The following ITPR2 variants were observed in gnomAD, a reference collection of about 807,000 sequenced individuals.
ITPR2 encodes inositol 1,4,5-trisphosphate receptor type 2.
In ITPR2, 207 loss-of-function variants were observed where a neutral mutation model predicts 317.1. That is an observed-to-expected ratio of 0.65 (90% confidence interval 0.58 to 0.73). The LOEUF is 0.73. ITPR2 is among the 30% of genes least tolerant of loss of function. The probability of loss-of-function intolerance (pLI) is 0.00; values close to 1 mark genes in which losing one functional copy is unlikely to be tolerated. For synonymous variants in ITPR2, 1,156 were observed against 1,149.1 expected (o/e 1.01, Z -0.12); for missense variants, 2,613 against 3,284.0 (o/e 0.80, Z 4.99).
chr12:26,823,254 A>G (rs1232470117), intron 1 of ITPR2, among the ~76,000 whole-genome samples: 1 of 152,198 alleles, frequency 6.6e-6, no homozygotes, highest in African/African-American at 2.4e-5. Context: ...TTGCACAAAT[A>G]TTTATTAAAC....
intron 8 of ITPR2, among the ~76,000 whole-genome samples, chr12:26,713,199 C>A (rs1312894358): frequency 6.6e-6 from 1 of 152,226 alleles, no homozygotes; most frequent in East Asian, 1.9e-4. Flanking sequence ...TGCTTATCTG[C>A]ATTCAGATAA....
chr12:26,526,853 A>G (rs1017280687), intron 37 of ITPR2, among the ~76,000 whole-genome samples: 7 of 152,162 alleles, frequency 4.6e-5, no homozygotes, highest in Admixed American at 4.6e-4. Flanking sequence ...GATAAGAAGA[A>G]ATCAAGAATG....
chr12:26,824,302 C>T lies in ITPR2; in HGVS notation c.92+8388G>A, dbSNP rs548813850. Among the ~76,000 whole-genome samples, 5 of 152,284 alleles carry T rather than the reference C, an allele frequency of 3.3e-5. No homozygotes were observed. The South Asian group carries it at 1.0e-3, about 32-fold the overall frequency. ...TGAATGAGTATTACTTTTGCACCAT[C>T]ATCAAGTTGAAAAATTGTAAATCAA... On this transcript the variant is annotated intron_variant, in intron 1 of 56. Coordinates refer to ENST00000381340, the MANE Select transcript of ITPR2 (RefSeq NM_002223.4).
At chr12:26,626,383 T>C (rs909203717) in intron 23 of ITPR2, among the ~76,000 whole-genome samples, 3 of 152,198 alleles carry the variant, frequency 2.0e-5, no homozygotes, top group East Asian at 1.9e-4. Flanking sequence ...TATCCCTTAC[T>C]GGTACAAAAA....
chr12:26,524,225 C>G (rs1347600881), intron 37 of ITPR2, among the ~76,000 whole-genome samples: 1 of 152,120 alleles, frequency 6.6e-6, no homozygotes, highest in Non-Finnish European at 1.5e-5. Flanking sequence ...AAGGAGTTTT[C>G]AAATTGGGAA....
intron 45 of ITPR2, among the ~76,000 whole-genome samples, chr12:26,449,771 G>A (rs1159613120): frequency 2.6e-5 from 4 of 152,024 alleles, no homozygotes; most frequent in Admixed American, 2.0e-4. Context: ...AGGACTAGAA[G>A]GTAATTGGGA....
rs200241530 is a variant in ITPR2, at chr12:26,657,850, G to T, written c.2049C>A (p.Ile683=). 2 of 1,614,144 alleles carry T rather than the reference G, an allele frequency of 1.2e-6. No individual in the cohort carries two copies. The highest frequency in any genetic ancestry group is 1.7e-6 in the Non-Finnish European group (2 of 1,180,020). Reference sequence around the variant, plus strand: ...CTTCATCATCAATGTCATCTGAAAGGATGGAGCTCTCCATGGGGTTGTCTG... The same window carrying T: ...CTTCATCATCAATGTCATCTGAAAGTATGGAGCTCTCCATGGGGTTGTCTG... The part of the protein sequence containing the change: ...MQADNPMESS[I]LSDDIDDEEV... Residue 683 remains isoleucine (I), a synonymous_variant, in exon 18 of 57, where the codon ATC becomes ATA. Coordinates refer to ENST00000381340, the MANE Select transcript of ITPR2 (RefSeq NM_002223.4).
At chr12:26,350,659 A>AC (rs955137960) in intron 55 of ITPR2, among the ~76,000 whole-genome samples, 4 of 151,512 alleles carry the variant, frequency 2.6e-5, no homozygotes, top group Admixed American at 1.3e-4. Flanking sequence ...GGTGGGTCTC[A>AC]CCCCCCAGAC....
chr12:26,547,094 A>C (rs1944407579), intron 37 of ITPR2, among the ~76,000 whole-genome samples: 21 of 152,160 alleles, frequency 1.4e-4, no homozygotes, highest in Admixed American at 1.4e-3. Flanking sequence ...CAGAGGAAAC[A>C]CTCAACAGAG....
chr12:26,582,308 T>A (rs551168348), intron 32 of ITPR2, among the ~76,000 whole-genome samples: 1 of 152,324 alleles, frequency 6.6e-6, no homozygotes, highest in South Asian at 2.1e-4. Flanking sequence ...ATTTATTTTC[T>A]CTTTACAATA....
intron 37 of ITPR2, among the ~76,000 whole-genome samples, chr12:26,521,073 C>T (rs1386317036): frequency 2.0e-5 from 3 of 152,114 alleles, no homozygotes; most frequent in Non-Finnish European, 4.4e-5. Context: ...AAGTAGCTTC[C>T]TTTCTATGGT....
rs116317393 is a variant in ITPR2, at chr12:26,402,342, C to T, written c.7400-2084G>A. On this transcript the variant is annotated intron_variant, in intron 52 of 56. Transcript: ENST00000381340. Reference sequence around the variant, plus strand: ...CATCACTACCGTCTATCTAGCGTCACGATCTGCATTCATTTATTCATTCAG... The same window carrying T: ...CATCACTACCGTCTATCTAGCGTCATGATCTGCATTCATTTATTCATTCAG... 7.4e-4 allele frequency among the ~76,000 whole-genome samples: 113 copies of T among 152,304 alleles called. 1 individual carries two copies. The highest frequency in any genetic ancestry group is 2.6e-3 in the African/African-American group (107 of 41,552).
chr12:26,405,959 A>G (rs1402450058), intron 52 of ITPR2, among the ~76,000 whole-genome samples: 1 of 152,230 alleles, frequency 6.6e-6, no homozygotes, highest in African/African-American at 2.4e-5. Flanking sequence ...CTCCATCACA[A>G]AAAAGAAAAA....
intron 2 of ITPR2, among the ~76,000 whole-genome samples, chr12:26,763,492 A>G (rs577600856): frequency 1.8e-4 from 28 of 152,322 alleles, no homozygotes; most frequent in African/African-American, 5.5e-4. Flanking sequence ...ATAAAACTAA[A>G]GAAAATAAAG....
At chr12:26,690,433 C>A (rs754533308) in intron 10 of ITPR2, among the ~76,000 whole-genome samples, 5 of 152,194 alleles carry the variant, frequency 3.3e-5, no homozygotes, top group African/African-American at 4.8e-5. Flanking sequence ...GAGTCTCCTG[C>A]ACCCCAATAT....
intron 45 of ITPR2, 46 bp downstream of exon 45, chr12:26,475,250 G>A (rs755006469): frequency 4.4e-5 from 71 of 1,606,242 alleles, no homozygotes; most frequent in Non-Finnish European, 4.9e-5. Flanking sequence ...TACAAAACAC[G>A]ATTGATAGGA....
chr12:26,715,410 C>T lies in ITPR2; in HGVS notation c.744G>A (p.Glu248=), dbSNP rs996836657. 1 of 1,613,554 alleles carries T rather than the reference C, an allele frequency of 6.2e-7. No homozygotes were observed. The highest frequency in any genetic ancestry group is 8.5e-7 in the Non-Finnish European group (1 of 1,179,688). ...CATATTCATCACAAGTCAAAAACTTCTCTTGTTCCGCATGAAATAATCTAA... is the reference window on the plus strand; with the variant it reads ...CATATTCATCACAAGTCAAAAACTTTTCTTGTTCCGCATGAAATAATCTAA... ...DVVRLFHAEQ[E]KFLTCDEYEK... Residue 248 remains glutamate, a synonymous_variant, in exon 8 of 57, where the codon GAG becomes GAA. Transcript: ENST00000381340.
intron 39 of ITPR2, among the ~76,000 whole-genome samples, chr12:26,491,427 G>A (rs1445777345): frequency 7.3e-6 from 1 of 136,214 alleles, no homozygotes; most frequent in Non-Finnish European, 1.5e-5. Context: ...AGTTTGCAGT[G>A]AGCCGAGATT....
At chr12:26,754,022 G>A (rs1171749264) in intron 2 of ITPR2, among the ~76,000 whole-genome samples, 1 of 152,172 alleles carries the variant, frequency 6.6e-6, no homozygotes, top group African/African-American at 2.4e-5. Flanking sequence ...TATTGTGTGT[G>A]TGATGTTTAT....
Sources: allele counts gnomAD v4.1 joint callset (sites outside exome capture counted in the v4.1 genomes callset), GRCh38; gene constraint gnomAD v4.1.1; transcripts MANE v1.5; gene names NCBI Gene and HGNC (gene_info 2026-07-23, HGNC 2026-07-21).